ANTXR2: variants seen among roughly 807,000 people sequenced by gnomAD.
The protein encoded by ANTXR2 is anthrax toxin receptor 2.
Under a neutral mutation model 73.7 loss-of-function variants are expected in ANTXR2, and 44 were observed. The ratio of observed to expected loss-of-function variants is 0.60; its 90% CI spans 0.47 to 0.77. The LOEUF is 0.77. ANTXR2 is among the 30% of genes least tolerant of loss of function. The probability of loss-of-function intolerance (pLI) is 0.00; values close to 1 mark genes in which losing one functional copy is unlikely to be tolerated. For missense variants in ANTXR2, 604 were observed against 592.5 expected, an observed-to-expected ratio of 1.02 and a Z score of -0.20; for synonymous variants, 217 against 205.9, an observed-to-expected ratio of 1.05 and a Z score of -0.46.
rs147127013 is a variant in ANTXR2 at position 79,959,814 on chromosome 4, G to A, written c.1428+17807C>T. The stretch of plus-strand genomic sequence containing the variant: ...CGGAAAATTCATATAAGCTCTCAGA[G>A]ACATGCAAGTGGAATTCAAGAGGGA... On this transcript the variant is annotated intron_variant, in intron 16 of 16. Transcript: ENST00000403729. 2.6e-3 allele frequency among the ~76,000 whole-genome samples: 389 copies of A among 152,332 alleles called. 1 individual carries two copies. The highest frequency in any genetic ancestry group is 4.9e-3 in the Non-Finnish European group (335 of 68,022).
At position 79,926,963 on chromosome 4, in the gene ANTXR2, A is replaced by ATATGTGTATATATACACATGTGCATG. The variant is rs1727824985; in HGVS notation, c.1429-19497_1429-19496insCATGCACATGTGTATATATACACATA. Among the ~76,000 whole-genome samples the ATATGTGTATATATACACATGTGCATG allele has an allele frequency of 2.1e-4, 12 of 57,704 alleles. 1 individual carries two copies. Among genetic ancestry groups the ATATGTGTATATATACACATGTGCATG allele is most frequent in the East Asian group, 1.3e-3 (2 of 1,596 alleles). 37.9% of individuals were successfully genotyped at this position (57,704 alleles called of 152,430 possible). A position where few individuals can be genotyped will look rare whatever the true frequency, so the allele number is the denominator to read the frequency against. ...TATATGTGTATATATACGTGTGCAT[A>ATATGTGTATATATACACATGTGCATG]TATGTGTATATATACGTGTGCATAT... is the stretch of plus-strand genomic sequence containing the variant. On this transcript the variant is annotated intron_variant, in intron 16 of 16. Transcript: ENST00000403729.
chr4:80,066,615 GATA>G (rs1734508060), intron 3 of ANTXR2, among the ~76,000 whole-genome samples: 1 of 152,154 alleles, frequency 6.6e-6, no homozygotes, highest in South Asian at 2.1e-4. Flanking sequence ...AGCTCCAGAT[GATA>G]ATAATAGTGA....
intron 7 of ANTXR2, among the ~76,000 whole-genome samples, chr4:80,040,160 T>C (rs866319659): frequency 4.0e-5 from 6 of 151,736 alleles, no homozygotes; most frequent in African/African-American, 9.7e-5. Context: ...AACCAGCTAT[T>C]GGGTACTATG....
intron 11 of ANTXR2, among the ~76,000 whole-genome samples, chr4:80,012,321 G>C (rs909892240): frequency 6.6e-6 from 1 of 150,788 alleles, no homozygotes; most frequent in Non-Finnish European, 1.5e-5. Flanking sequence ...TATTTGGTAA[G>C]ACCCCAGCAA....
In ANTXR2 at chr4:80,008,561, A is replaced by G; in HGVS notation, c.1001T>C (p.Ile334Thr). 6.2e-7 allele frequency: 1 copy of G among 1,608,546 alleles called. No homozygotes were observed. Among genetic ancestry groups the G allele is most frequent in the South Asian group, 1.1e-5 (1 of 89,762 alleles). ...GGGCCAAAACCACCACATCAAACCG[A>G]TCCCCAGGAGTAGCAGTAACACCAA... Reference protein sequence around the residue: ...VILVLLLLLGIGLMWWFWPLC... With the variant: ...VILVLLLLLGTGLMWWFWPLC... The change falls in exon 12 of 17, where the codon ATC becomes ACC. Residue 334 changes from isoleucine to threonine, a missense_variant. Ile to Thr is a moderately conservative substitution (Grantham distance 89). Coordinates refer to ENST00000403729, the MANE Select transcript of ANTXR2 (RefSeq NM_058172.6).
chr4:80,013,113 T>C (rs1731678836), intron 11 of ANTXR2, among the ~76,000 whole-genome samples: 1 of 152,206 alleles, frequency 6.6e-6, no homozygotes. Context: ...ATCTTTCCAT[T>C]ATGTTTTTAA....
chr4:80,011,064 G>A (rs542920316), intron 11 of ANTXR2, among the ~76,000 whole-genome samples: 14 of 151,974 alleles, frequency 9.2e-5, no homozygotes, highest in South Asian at 4.1e-4. Flanking sequence ...GGAGAATGGC[G>A]TGAATCTGGG....
chr4:79,977,231 G>A (rs1393696448), intron 16 of ANTXR2, among the ~76,000 whole-genome samples: 1 of 152,192 alleles, frequency 6.6e-6, no homozygotes, highest in Non-Finnish European at 1.5e-5. Flanking sequence ...CTATAAAACA[G>A]ATTCTGAGGC....
At chr4:80,050,548 T>C (rs916114234) in intron 7 of ANTXR2, among the ~76,000 whole-genome samples, 1 of 151,660 alleles carries the variant, frequency 6.6e-6, no homozygotes, top group South Asian at 2.1e-4. Context: ...TCATTCTCAA[T>C]TGTTATCTCA....
In ANTXR2 at chr4:79,906,943, T is replaced by C. The variant is rs980501615; in HGVS notation, c.*486A>G. 1.1e-5 allele frequency: 2 copies of C among 179,148 alleles called. No homozygotes were observed. Among genetic ancestry groups the C allele is most frequent in the African/African-American group, 4.8e-5 (2 of 41,592 alleles). 11.1% of individuals were successfully genotyped at this position (179,148 alleles called of 1,614,324 possible). On this transcript the variant is annotated 3_prime_UTR_variant, in exon 17 of 17. Coordinates refer to ENST00000403729, the MANE Select transcript of ANTXR2 (RefSeq NM_058172.6). ...CATAGCTATAAGGCAATGGACTTCT[T>C]TATTTGCTTAGCCTGGTGGGAAATT...
chr4:79,927,458 A>C (rs1210712362), intron 16 of ANTXR2, among the ~76,000 whole-genome samples: 1 of 152,182 alleles, frequency 6.6e-6, no homozygotes, highest in African/African-American at 2.4e-5. Flanking sequence ...AAATCTGCAG[A>C]TGCTCAAGTC....
At position 79,984,862 on chromosome 4, in the gene ANTXR2, A is replaced by G. The variant is rs1446027233; in HGVS notation, c.1043T>C (p.Val348Ala). ...GGGTGGTGGTGGAGGATCCTTAATA[A>G]CCTGTCAAAAAAAATCAAATATAAA... ...WWFWPLCCKV[V>A]IKDPPPPPAP... The change falls in exon 13 of 17, where the codon GTT becomes GCT. Residue 348 changes from valine to alanine, a missense_variant and splice_region_variant. Physicochemically the swap from Val to Ala is moderately conservative, Grantham distance 64. Transcript: ENST00000403729. The G allele has an allele frequency of 6.3e-7, 1 of 1,599,166 alleles. No individual in the cohort carries two copies. The highest frequency in any genetic ancestry group is 8.5e-7 in the Non-Finnish European group (1 of 1,172,462).
intron 16 of ANTXR2, among the ~76,000 whole-genome samples, chr4:79,934,127 T>C (rs1253680710): frequency 1.3e-5 from 2 of 152,098 alleles, no homozygotes; most frequent in African/African-American, 4.8e-5. Flanking sequence ...AAAATGTGTA[T>C]ATAAAAAGCA....
chr4:80,056,245 T>C (rs1208274936), intron 3 of ANTXR2, among the ~76,000 whole-genome samples: 1 of 151,922 alleles, frequency 6.6e-6, no homozygotes, highest in African/African-American at 2.4e-5. Flanking sequence ...AACAATGTCT[T>C]GAAAAATCTT....
At chr4:80,007,325 G>A (rs1461297469) in intron 12 of ANTXR2, among the ~76,000 whole-genome samples, 2 of 152,094 alleles carry the variant, frequency 1.3e-5, no homozygotes, top group Non-Finnish European at 2.9e-5. Flanking sequence ...TCTACACAAT[G>A]TGCTTATAAT....
At chr4:80,065,076 T>C (rs149013861) in intron 3 of ANTXR2, among the ~76,000 whole-genome samples, 9 of 152,196 alleles carry the variant, frequency 5.9e-5, no homozygotes, top group African/African-American at 1.9e-4. Context: ...GAAGTTCATA[T>C]GAGGATTAAG....
At chr4:80,024,324 G>A (rs531710454) in intron 10 of ANTXR2, among the ~76,000 whole-genome samples, 41 of 152,306 alleles carry the variant, frequency 2.7e-4, no homozygotes, top group Middle Eastern at 3.4e-3. Context: ...AAGTGACTTT[G>A]TAGACATTTG....
chr4:79,950,574 A>T (rs1420271896), intron 16 of ANTXR2, among the ~76,000 whole-genome samples: 2 of 152,200 alleles, frequency 1.3e-5, no homozygotes, highest in Non-Finnish European at 2.9e-5. Flanking sequence ...AAAATGGCAA[A>T]GAATTGGAAA....
chr4:80,009,156 G>A (rs1282788316), intron 11 of ANTXR2, among the ~76,000 whole-genome samples: 1 of 152,172 alleles, frequency 6.6e-6, no homozygotes. Context: ...TCATAAATCA[G>A]ATGTTCTCTC....
Sources: gnomAD v4.1 joint callset for allele counts (sites outside exome capture counted in the v4.1 genomes callset) on GRCh38, gnomAD v4.1.1 for gene constraint, MANE v1.5 for transcripts, NCBI Gene and HGNC (gene_info 2026-07-23, HGNC 2026-07-21) for gene names.